The following OAS2 variants were observed in gnomAD, a reference collection of about 807,000 sequenced individuals.
The protein encoded by OAS2 is 2'-5'-oligoadenylate synthase 2.
A neutral mutation model predicts 71.3 loss-of-function variants in OAS2; 67 were observed. The ratio of observed to expected loss-of-function variants is 0.94; its 90% CI spans 0.77 to 1.15. OAS2 has a LOEUF of 1.15. Ranked by LOEUF, OAS2 falls within the 50% of genes most tolerant of loss-of-function variation. OAS2 has a pLI of 0.00. For missense variants in OAS2, 789 were observed against 822.5 expected (o/e 0.96, Z 0.50); for synonymous variants, 327 against 321.8 (o/e 1.02, Z -0.17).
chr12:112,993,177 C>A (rs2044206481), intron 2 of OAS2, among the ~76,000 whole-genome samples: 1 of 152,178 alleles, frequency 6.6e-6, no homozygotes, highest in East Asian at 1.9e-4. Context: ...CCTAACTAAT[C>A]TGGCCTATTT....
In OAS2 at chr12:113,001,887, A is replaced by AAAAT. The variant is rs56814612; in HGVS notation, c.1009-1044_1009-1043insAATA. 3.6e-3 allele frequency among the ~76,000 whole-genome samples: 401 copies of AAAAT among 110,678 alleles called. 15 individuals carry two copies. The highest frequency in any genetic ancestry group is 9.5e-3 in the East Asian group (33 of 3,492). 72.6% of individuals were successfully genotyped at this position (110,678 alleles called of 152,430 possible). On this transcript the variant is annotated intron_variant, in intron 5 of 9. Coordinates refer to ENST00000392583, the MANE Select transcript of OAS2 (RefSeq NM_002535.3). ...ACAAAAAAAAAAAAAAAAAAAAAAA[A>AAAAT]AGCTAGGCGTGGTGGCACAAACCTG...
chr12:112,988,505 A>G, intron 2 of OAS2: 1 of 628,136 alleles, frequency 1.6e-6, no homozygotes, highest in Non-Finnish European at 2.0e-6. Context: ...AGTGATTGGC[A>G]CAAGAGTAGG....
chr12:113,004,848 A>G, intron 6 of OAS2, 86 bp from the exon 7 acceptor site: 1 of 1,381,554 alleles, frequency 7.2e-7, no homozygotes, highest in Non-Finnish European at 1.0e-6. Context: ...AAACAGTGTC[A>G]GTTAGCCCAA....
At position 113,009,660 on chromosome 12, in the gene OAS2, CA is replaced by C. The variant is rs1467990890; in HGVS notation, c.*407del. The C allele has an allele frequency of 1.0e-6, 1 of 991,276 alleles. No homozygotes were observed. Among genetic ancestry groups the C allele is most frequent in the Non-Finnish European group, 1.2e-6 (1 of 834,248 alleles). The allele number at this position is 991,276 out of a possible 1,614,324, so 61.4% of individuals were successfully genotyped here. On this transcript the variant is annotated 3_prime_UTR_variant, in exon 10 of 10. Coordinates refer to ENST00000392583, the MANE Select transcript of OAS2 (RefSeq NM_002535.3). ...GCCTCCAGATGGCAGGTTTGCAATC[CA>C]AGCAGGAAGAAGGAAAAGATACCCA...
chr12:113,003,138 A>C lies in OAS2; in HGVS notation c.1179+36A>C, dbSNP rs770178595. 1.4e-5 allele frequency: 22 copies of C among 1,604,372 alleles called. No homozygotes were observed. The East Asian group carries it at 4.7e-4, about 34-fold the overall frequency. ...GCCTTTCTCATGTCTTGTTGGAATG[A>C]TGTAATATTGGGCATTCCTGGAAGG... On this transcript the variant is annotated intron_variant, in intron 6 of 9. Transcript: ENST00000392583.
intron 9 of OAS2, 69 bp from the exon 10 acceptor site, chr12:113,009,018 A>G: frequency 6.4e-7 from 1 of 1,559,258 alleles, no homozygotes; most frequent in Non-Finnish European, 8.6e-7. Context: ...AAAGTATTAT[A>G]GGATGGACCC....
At position 112,978,856 on chromosome 12, in the gene OAS2, G is replaced by T. The variant is rs1178351550; in HGVS notation, c.177+71G>T. 6.9e-7 allele frequency: 1 copy of T among 1,439,434 alleles called. No homozygotes were observed. Among genetic ancestry groups the T allele is most frequent in the Non-Finnish European group, 9.5e-7 (1 of 1,057,184 alleles). 89.2% of individuals were successfully genotyped at this position (1,439,434 alleles called of 1,614,324 possible). On this transcript the variant is annotated intron_variant, in intron 1 of 9. Coordinates refer to ENST00000392583, the MANE Select transcript of OAS2 (RefSeq NM_002535.3). This position sits in a 1 kb window ranked among gnomAD's most constrained non-coding sequence, Gnocchi z 4.2. ...ACGGCGGCAGCAAGGCCGAGCTACT[G>T]GGTGCTGGGTGCCTATTATGTGCGA...
Position 113,010,837 on chromosome 12 carries a change from A to C in OAS2, c.*1582A>C. 1 of 152,824 alleles carries C rather than the reference A, an allele frequency of 6.5e-6. No homozygotes were observed. The highest frequency in any genetic ancestry group is 1.4e-5 in the Non-Finnish European group (1 of 70,796). 9.5% of individuals were successfully genotyped at this position (152,824 alleles called of 1,614,324 possible). ...CTTTACTTTCCCCTTGGTTCTCATA[A>C]CTCTGTGATCTTGCTCTCGGTGCTT... On this transcript the variant is annotated 3_prime_UTR_variant, in exon 10 of 10. Transcript: ENST00000392583.
intron 1 of OAS2, among the ~76,000 whole-genome samples, chr12:112,986,198 G>T (rs71442750): frequency 6.6e-6 from 1 of 152,160 alleles, no homozygotes; most frequent in East Asian, 1.9e-4. Flanking sequence ...CATCAGGCAG[G>T]TTGGTCTTCA....
chr12:112,998,432 A>T (rs376272476), intron 5 of OAS2, 22 bp downstream of exon 5: 5 of 1,602,228 alleles, frequency 3.1e-6, no homozygotes, highest in Non-Finnish European at 4.2e-6. Flanking sequence ...TTCCAAATAC[A>T]GGGTGTTTCA....
chr12:113,010,253 A>C lies in OAS2; in HGVS notation c.*998A>C, dbSNP rs568662939. On this transcript the variant is annotated 3_prime_UTR_variant, in exon 10 of 10. Transcript: ENST00000392583. ...ATGCATTATAAATAAATACCAAAAA[A>C]TTGTCTCTGGCAATAGTTACCTTCC... 6.8e-7 allele frequency: 1 copy of C among 1,477,586 alleles called. No individual in the cohort carries two copies. The highest frequency in any genetic ancestry group is 2.4e-5 in the East Asian group (1 of 42,548). 91.5% of individuals were successfully genotyped at this position (1,477,586 alleles called of 1,614,324 possible). A position where few individuals can be genotyped will look rare whatever the true frequency, so the allele number is the denominator to read the frequency against.
chr12:112,979,343 G>A (rs907920245), intron 1 of OAS2, among the ~76,000 whole-genome samples: 2 of 152,132 alleles, frequency 1.3e-5, no homozygotes, highest in African/African-American at 4.8e-5. Flanking sequence ...AGAATTGGGG[G>A]CGTGGGGGTC....
rs1237147189 is a variant in OAS2, at chr12:113,010,788, C to T, written c.*1533C>T. On this transcript the variant is annotated 3_prime_UTR_variant, in exon 10 of 10. Transcript: ENST00000392583. ...TTTCCTTCCAGTCTAAAAAAGGAAT[C>T]CTCTGTGTCTTCAAAGCAAAGCTCT... The T allele has an allele frequency of 4.9e-6, 1 of 203,884 alleles. No individual in the cohort carries two copies. The highest frequency in any genetic ancestry group is 9.9e-6 in the Non-Finnish European group (1 of 101,392). 12.6% of individuals were successfully genotyped at this position (203,884 alleles called of 1,614,324 possible). A position where few individuals can be genotyped will look rare whatever the true frequency, so the allele number is the denominator to read the frequency against.
chr12:113,004,931 T>C lies in OAS2; in HGVS notation c.1180-3T>C. On this transcript the variant is annotated splice_region_variant and splice_polypyrimidine_tract_variant and intron_variant, in intron 6 of 9. Coordinates refer to ENST00000392583, the MANE Select transcript of OAS2 (RefSeq NM_002535.3). ...TGGATCTCAACCTTCCTTTCTTCCT[T>C]AGGGAGGATCAACCGCCAAAGGCAC... The C allele has an allele frequency of 6.2e-7, 1 of 1,613,602 alleles. No homozygotes were observed. Among genetic ancestry groups the C allele is most frequent in the South Asian group, 1.1e-5 (1 of 91,066 alleles).
In OAS2 at chr12:113,010,735, C is replaced by A; in HGVS notation, c.*1480C>A. On this transcript the variant is annotated 3_prime_UTR_variant, in exon 10 of 10. Coordinates refer to ENST00000392583, the MANE Select transcript of OAS2 (RefSeq NM_002535.3). ...ATTTCTGTCAACTTGTATTTTTTTT[C>A]TTGTATTTTTCCAATTAGCTCCTCC... 1 of 314,478 alleles carries A rather than the reference C, an allele frequency of 3.2e-6. No homozygotes were observed. Among genetic ancestry groups the A allele is most frequent in the Non-Finnish European group, 5.5e-6 (1 of 180,294 alleles). 19.5% of individuals were successfully genotyped at this position (314,478 alleles called of 1,614,324 possible).
At chr12:112,998,826 T>A (rs951779250) in intron 5 of OAS2, among the ~76,000 whole-genome samples, 1 of 152,194 alleles carries the variant, frequency 6.6e-6, no homozygotes, top group African/African-American at 2.4e-5. Context: ...CATACTGAAT[T>A]AGGGCCCAAC....
At chr12:112,989,836 T>C in intron 2 of OAS2, among the ~76,000 whole-genome samples, 1 of 152,156 alleles carries the variant, frequency 6.6e-6, no homozygotes, top group East Asian at 1.9e-4. Context: ...AGAATTTTGT[T>C]TTTGGTTTAT....
intron 1 of OAS2, among the ~76,000 whole-genome samples, chr12:112,985,223 T>C (rs1278885746): frequency 6.8e-6 from 1 of 146,694 alleles, no homozygotes; most frequent in Non-Finnish European, 1.5e-5. Flanking sequence ...TTTCAGCTAT[T>C]ACTTCATTAA....
intron 5 of OAS2, among the ~76,000 whole-genome samples, chr12:113,000,539 T>C (rs2044273952): frequency 8.1e-6 from 1 of 123,490 alleles, no homozygotes; most frequent in Non-Finnish European, 1.7e-5. Flanking sequence ...CACTCACACA[T>C]GCACACACAT....
Sources: gnomAD v4.1 joint callset for allele counts (sites outside exome capture counted in the v4.1 genomes callset) on GRCh38, gnomAD v4.1.1 for gene constraint, Gnocchi (gnomAD v3.1) non-coding constraint, MANE v1.5 for transcripts, NCBI Gene and HGNC (gene_info 2026-07-23, HGNC 2026-07-21) for gene names.